Variants in CAMK4 observed in about 807,000 individuals in gnomAD.
CAMK4 encodes the protein calcium/calmodulin-dependent protein kinase type IV.
Under a neutral mutation model 44.9 loss-of-function variants are expected in CAMK4, and 22 were observed. That is an observed-to-expected ratio of 0.49 (90% CI 0.35 to 0.70). CAMK4 has a LOEUF of 0.70. Among genes scored for constraint, CAMK4 ranks in the 30% least tolerant of loss-of-function variants. The pLI is 0.01. For missense variants in CAMK4, 498 were observed against 586.8 expected (o/e 0.85, Z 1.56); for synonymous variants, 218 against 215.4 (o/e 1.01, Z -0.11).
intron 8 of CAMK4, among the ~76,000 whole-genome samples, chr5:111,473,771 CTATT>C (rs1440997581): frequency 9.9e-5 from 15 of 152,142 alleles, no homozygotes; most frequent in Non-Finnish European, 1.5e-5. Flanking sequence ...GGGCAAATGA[CTATT>C]TAATTTCTTA....
chr5:111,236,083 G>C (rs1748703629), intron 1 of CAMK4, among the ~76,000 whole-genome samples: 1 of 152,210 alleles, frequency 6.6e-6, no homozygotes, highest in Non-Finnish European at 1.5e-5. Flanking sequence ...GTGGTAGTGT[G>C]TTCTCCACGT....
chr5:111,238,771 T>C (rs887888865), intron 1 of CAMK4, among the ~76,000 whole-genome samples: 2 of 143,466 alleles, frequency 1.4e-5, no homozygotes, highest in Non-Finnish European at 3.0e-5. Flanking sequence ...TTACTTGTTT[T>C]ATCTAGGATG....
chr5:111,356,998 C>T (rs1172746868), intron 2 of CAMK4, among the ~76,000 whole-genome samples: 1 of 151,958 alleles, frequency 6.6e-6, no homozygotes, highest in African/African-American at 2.4e-5. Context: ...CACCAACAGG[C>T]CTGAGTGCTG....
chr5:111,470,159 A>G (rs999675959), intron 7 of CAMK4, among the ~76,000 whole-genome samples: 5 of 152,238 alleles, frequency 3.3e-5, no homozygotes, highest in Non-Finnish European at 5.9e-5. Flanking sequence ...GTTCCCCTTT[A>G]CAAGGGAAAG....
intron 3 of CAMK4, among the ~76,000 whole-genome samples, chr5:111,376,053 A>C (rs1751201198): frequency 6.6e-6 from 1 of 152,046 alleles, no homozygotes; most frequent in Non-Finnish European, 1.5e-5. Flanking sequence ...CATGATCCAC[A>C]ATTTGGGGCT....
At chr5:111,334,142 C>T (rs1036505488) in intron 1 of CAMK4, among the ~76,000 whole-genome samples, 1 of 151,498 alleles carries the variant, frequency 6.6e-6, no homozygotes, top group Non-Finnish European at 1.5e-5. Context: ...CATTCCTTGA[C>T]ATGATATATT....
intron 1 of CAMK4, among the ~76,000 whole-genome samples, chr5:111,335,306 C>G (rs1255277111): frequency 6.6e-6 from 1 of 151,380 alleles, no homozygotes; most frequent in Non-Finnish European, 1.5e-5. Context: ...GCAATCTCAT[C>G]TTCATTCCCA....
chr5:111,224,260 A>C, upstream of CAMK4: 1 of 442,614 alleles, frequency 2.3e-6, no homozygotes, highest in East Asian at 4.7e-5. The surrounding 1 kb of genome is among the most constrained non-coding windows in gnomAD (Gnocchi z 5.7). Context: ...GTCTCCCTCC[A>C]GCGGGCGGCG....
intron 5 of CAMK4, among the ~76,000 whole-genome samples, chr5:111,404,877 G>T (rs1752359255): frequency 6.6e-6 from 1 of 152,162 alleles, no homozygotes. Context: ...GATGATTATA[G>T]TCTAGATGAC....
intron 7 of CAMK4, among the ~76,000 whole-genome samples, chr5:111,460,623 T>G (rs1036985318): frequency 6.6e-6 from 1 of 152,202 alleles, no homozygotes; most frequent in African/African-American, 2.4e-5. Context: ...GTAATTTTAA[T>G]ATTAGGATGA....
At chr5:111,283,561 C>T (rs1751110341) in intron 1 of CAMK4, among the ~76,000 whole-genome samples, 1 of 152,216 alleles carries the variant, frequency 6.6e-6, no homozygotes, top group African/African-American at 2.4e-5. Flanking sequence ...TTGAGGCTCA[C>T]ACTTTCTTGA....
At chr5:111,434,432 A>C (rs942504831) in intron 5 of CAMK4, among the ~76,000 whole-genome samples, 2 of 152,212 alleles carry the variant, frequency 1.3e-5, no homozygotes, top group African/African-American at 4.8e-5. Flanking sequence ...CGGTGAGGAA[A>C]AAGGAGGCAT....
intron 5 of CAMK4, among the ~76,000 whole-genome samples, chr5:111,432,648 G>A (rs1278128918): frequency 1.6e-5 from 2 of 126,608 alleles, no homozygotes; most frequent in South Asian, 2.3e-4. Context: ...ATATATATAT[G>A]TATATATGTG....
At position 111,429,679 on chromosome 5, in the gene CAMK4, G is replaced by A. The variant is rs542144220; in HGVS notation, c.460-17007G>A. Among the ~76,000 whole-genome samples the A allele has an allele frequency of 2.7e-4, 41 of 150,118 alleles. No homozygotes were observed. The Middle Eastern group carries it at 0.02, about 75-fold the overall frequency. ...TAGTCCCAGCTACTCAGGAGGCTGA[G>A]GTGGGAGGATTGCTTGAAACCAGGA... On this transcript the variant is annotated intron_variant, in intron 5 of 10. Coordinates refer to ENST00000282356, the MANE Select transcript of CAMK4 (RefSeq NM_001744.6).
intron 1 of CAMK4, among the ~76,000 whole-genome samples, chr5:111,293,460 C>A (rs1420456113): frequency 2.0e-5 from 3 of 150,732 alleles, no homozygotes; most frequent in Admixed American, 6.6e-5. Context: ...GGAGTCTCAT[C>A]CTGTTGCCCA....
chr5:111,257,146 C>G (rs1749776656), intron 1 of CAMK4, among the ~76,000 whole-genome samples: 1 of 152,144 alleles, frequency 6.6e-6, no homozygotes, highest in African/African-American at 2.4e-5. Context: ...CAAAGATTGA[C>G]AAATGGGATC....
intron 1 of CAMK4, among the ~76,000 whole-genome samples, chr5:111,284,222 C>A (rs1404320665): frequency 6.6e-6 from 1 of 152,090 alleles, no homozygotes; most frequent in Non-Finnish European, 1.5e-5. Context: ...TCATAGGCAA[C>A]AAATACTTTA....
At chr5:111,338,775 T>G (rs370323450) in intron 1 of CAMK4, among the ~76,000 whole-genome samples, 2 of 151,488 alleles carry the variant, frequency 1.3e-5, no homozygotes, top group East Asian at 1.9e-4. Flanking sequence ...GCTGTAGGTG[T>G]GTGGCTTTAT....
intron 1 of CAMK4, among the ~76,000 whole-genome samples, chr5:111,246,793 T>C (rs1749261016): frequency 6.6e-6 from 1 of 152,166 alleles, no homozygotes; most frequent in African/African-American, 2.4e-5. Context: ...GTTACAATTG[T>C]TGGTTTATGT....
Sources: allele counts gnomAD v4.1 joint callset (sites outside exome capture counted in the v4.1 genomes callset), GRCh38; gene constraint gnomAD v4.1.1; non-coding constraint Gnocchi (gnomAD v3.1); transcripts MANE v1.5; gene names NCBI Gene and HGNC (gene_info 2026-07-23, HGNC 2026-07-21).